The following NPSR1 variants were observed in gnomAD, a reference collection of about 807,000 sequenced individuals.
The protein encoded by NPSR1 is neuropeptide S receptor 1.
NPSR1 carries 48 observed loss-of-function variants against 46.9 expected under a neutral mutation model. That is an observed-to-expected ratio of 1.02 (90% confidence interval 0.81 to 1.30). The LOEUF (loss-of-function observed/expected upper bound fraction) is 1.30, where lower values mean the gene tolerates loss of function less well. Among genes scored for constraint, NPSR1 ranks in the 50% most tolerant of loss-of-function variants. NPSR1 has a pLI of 0.00. For synonymous variants in NPSR1, 176 were observed against 168.1 expected (o/e 1.05, Z -0.36); for missense variants, 450 against 449.5 (o/e 1.00, Z -0.01).
At position 34,658,258 on chromosome 7, in the gene NPSR1, T is replaced by A. The variant is rs999675405; in HGVS notation, c.-155T>A. ...GAGAGCAGCACGTAGATCCTCCCTGTCATCAGGCAGAGCTCTTCAGTGAGG... is the reference window on the plus strand; with the variant it reads ...GAGAGCAGCACGTAGATCCTCCCTGACATCAGGCAGAGCTCTTCAGTGAGG... On this transcript the variant is annotated 5_prime_UTR_variant, in exon 1 of 9. Transcript: ENST00000360581. 27 of 725,654 alleles carry A rather than the reference T, an allele frequency of 3.7e-5. No individual in the cohort carries two copies. The highest frequency in any genetic ancestry group is 8.1e-4 in the Middle Eastern group (2 of 2,478). The allele number at this position is 725,654 out of a possible 1,614,324, so 45.0% of individuals were successfully genotyped here.
At chr7:34,697,898 G>C (rs1341354729) in intron 2 of NPSR1, among the ~76,000 whole-genome samples, 1 of 151,920 alleles carries the variant, frequency 6.6e-6, no homozygotes, top group East Asian at 1.9e-4. Context: ...ATTGTAAATG[G>C]ACTAAATATT....
chr7:34,665,171 A>G (rs900158069), intron 1 of NPSR1, among the ~76,000 whole-genome samples: 2 of 152,194 alleles, frequency 1.3e-5, no homozygotes, highest in African/African-American at 4.8e-5. Flanking sequence ...TGGATAGGTT[A>G]AGCTCTCCAA....
chr7:34,689,892 C>A (rs1793158605), intron 2 of NPSR1, among the ~76,000 whole-genome samples: 1 of 151,282 alleles, frequency 6.6e-6, no homozygotes, highest in Admixed American at 6.6e-5. Flanking sequence ...CAGCAGTGAG[C>A]CAAGATCATG....
intron 1 of NPSR1, among the ~76,000 whole-genome samples, chr7:34,662,546 G>A (rs1300703370): frequency 1.3e-5 from 2 of 152,250 alleles, no homozygotes; most frequent in East Asian, 1.9e-4. Flanking sequence ...AATTTGTAAC[G>A]AGAGGTCTTG....
chr7:34,856,043 C>A (rs1294737220), intron 8 of NPSR1, among the ~76,000 whole-genome samples: 1 of 151,908 alleles, frequency 6.6e-6, no homozygotes, highest in East Asian at 1.9e-4. Context: ...CTACAGGAAA[C>A]CTATACTTAA....
intron 4 of NPSR1, among the ~76,000 whole-genome samples, chr7:34,814,767 G>A (rs1021159140): frequency 2.0e-5 from 3 of 152,188 alleles, no homozygotes; most frequent in Non-Finnish European, 4.4e-5. Flanking sequence ...TGATACCCAG[G>A]CAAACAGGGT....
At chr7:34,795,827 C>T (rs984470427) in intron 3 of NPSR1, among the ~76,000 whole-genome samples, 13 of 152,074 alleles carry the variant, frequency 8.5e-5, no homozygotes, top group Admixed American at 4.6e-4. Context: ...CAGATCTTCT[C>T]AACTTACTCT....
chr7:34,666,034 A>T (rs1266875538), intron 1 of NPSR1, among the ~76,000 whole-genome samples: 1 of 152,258 alleles, frequency 6.6e-6, no homozygotes, highest in Non-Finnish European at 1.5e-5. Context: ...TTTACTGCTA[A>T]TATCTCAATA....
chr7:34,808,206 C>T (rs1185981703), intron 3 of NPSR1, among the ~76,000 whole-genome samples: 1 of 152,168 alleles, frequency 6.6e-6, no homozygotes, highest in Non-Finnish European at 1.5e-5. Context: ...GACTCATGGG[C>T]TTGCCAAACT....
intron 3 of NPSR1, among the ~76,000 whole-genome samples, chr7:34,794,101 T>A (rs1280387814): frequency 6.6e-6 from 1 of 152,082 alleles, no homozygotes; most frequent in Admixed American, 6.6e-5. Flanking sequence ...AGAACACTGG[T>A]CAATGAGTAC....
At chr7:34,766,969 AC>A (rs1322830196) in intron 2 of NPSR1, among the ~76,000 whole-genome samples, 2 of 152,164 alleles carry the variant, frequency 1.3e-5, no homozygotes, top group Non-Finnish European at 2.9e-5. Context: ...ATGATAAAGA[AC>A]ACATTAGTGT....
chr7:34,691,314 C>A (rs143194164), intron 2 of NPSR1, among the ~76,000 whole-genome samples: 5 of 152,284 alleles, frequency 3.3e-5, no homozygotes, highest in African/African-American at 1.2e-4. Flanking sequence ...AAACCAACAA[C>A]ACAATTGAAA....
intron 2 of NPSR1, among the ~76,000 whole-genome samples, chr7:34,726,100 C>T (rs754978308): frequency 1.3e-5 from 2 of 152,154 alleles, no homozygotes; most frequent in Non-Finnish European, 2.9e-5. Flanking sequence ...TCTTTATTAG[C>T]AGCATGAGAA....
intron 1 of NPSR1, among the ~76,000 whole-genome samples, chr7:34,661,039 A>G: frequency 6.6e-6 from 1 of 152,224 alleles, no homozygotes; most frequent in Non-Finnish European, 1.5e-5. Context: ...CCCAGGACCT[A>G]CCACTATGTT....
chr7:34,833,579 A>C (rs919080160), intron 5 of NPSR1, among the ~76,000 whole-genome samples: 2 of 152,214 alleles, frequency 1.3e-5, no homozygotes, highest in African/African-American at 4.8e-5. Context: ...TCAGTGTAGT[A>C]GTTATCTATT....
At chr7:34,772,475 T>A (rs1786731123) in intron 2 of NPSR1, among the ~76,000 whole-genome samples, 1 of 152,166 alleles carries the variant, frequency 6.6e-6, no homozygotes, top group Non-Finnish European at 1.5e-5. Context: ...AAACCACAAA[T>A]CTCTCATAAA....
At chr7:34,754,348 C>T (rs1444450331) in intron 2 of NPSR1, among the ~76,000 whole-genome samples, 1 of 152,178 alleles carries the variant, frequency 6.6e-6, no homozygotes, top group Non-Finnish European at 1.5e-5. Context: ...AACTGAGTGA[C>T]TAACAATGGT....
chr7:34,868,872 C>T (rs568963120), intron 8 of NPSR1, among the ~76,000 whole-genome samples: 26 of 151,694 alleles, frequency 1.7e-4, no homozygotes, highest in East Asian at 3.9e-4. Context: ...GGCTGACCCT[C>T]AAATCTCCAA....
chr7:34,829,135 C>T (rs987981358), intron 5 of NPSR1, among the ~76,000 whole-genome samples: 1 of 152,120 alleles, frequency 6.6e-6, no homozygotes, highest in African/African-American at 2.4e-5. Flanking sequence ...GAAACGTTAT[C>T]CATCATATGG....
Sources: gnomAD v4.1 joint callset for allele counts (sites outside exome capture counted in the v4.1 genomes callset) on GRCh38, gnomAD v4.1.1 for gene constraint, MANE v1.5 for transcripts, NCBI Gene and HGNC (gene_info 2026-07-23, HGNC 2026-07-21) for gene names.